NEBL: variants seen among roughly 807,000 people sequenced by gnomAD.
The protein encoded by NEBL is LIM and SH3 protein 2.
NEBL carries 122 observed loss-of-function variants against 140.2 expected under a neutral mutation model. That is an observed-to-expected ratio of 0.87 (90% CI 0.75 to 1.01). The LOEUF (loss-of-function observed/expected upper bound fraction) is 1.01. NEBL is among the 50% of genes least tolerant of loss of function. The pLI is 0.00. For missense variants in NEBL, 1,365 were observed against 1,231.3 expected, an observed-to-expected ratio of 1.11 and a Z score of -1.62; for synonymous variants, 436 against 398.9, an observed-to-expected ratio of 1.09 and a Z score of -1.11.
upstream of NEBL, among the ~76,000 whole-genome samples, chr10:20,901,641 C>A (rs1398190068): frequency 6.6e-6 from 1 of 152,152 alleles, no homozygotes; most frequent in Admixed American, 6.5e-5. Context: ...TTCAACATTT[C>A]TTATTATAAA....
At chr10:20,901,839 C>T (rs577941371), upstream of NEBL, among the ~76,000 whole-genome samples, 1 of 152,262 alleles carries the variant, frequency 6.6e-6, no homozygotes, top group South Asian at 2.1e-4. Context: ...TACTCAGTAA[C>T]TGGTATCTTC....
chr10:21,226,384 A>G (rs1842149693), intron 3 of NEBL, among the ~76,000 whole-genome samples: 1 of 152,106 alleles, frequency 6.6e-6, no homozygotes, highest in Non-Finnish European at 1.5e-5. Flanking sequence ...CACCCCAGCT[A>G]GCATCTCACT....
intron 1 of NEBL, among the ~76,000 whole-genome samples, chr10:21,262,324 G>A (rs1422792975): frequency 5.9e-5 from 9 of 152,150 alleles, no homozygotes; most frequent in Admixed American, 5.9e-4. Flanking sequence ...GATTGAACAA[G>A]TGCCTCTGCA....
intron 24 of NEBL, 110 bp downstream of exon 24, chr10:20,812,659 A>T: frequency 7.3e-7 from 1 of 1,369,082 alleles, no homozygotes; most frequent in Middle Eastern, 2.4e-4. Flanking sequence ...ATTGGGTACC[A>T]CAACCAACAT....
intron 2 of NEBL, among the ~76,000 whole-genome samples, chr10:21,074,583 T>C (rs918340756): frequency 3.3e-5 from 5 of 149,792 alleles, no homozygotes; most frequent in African/African-American, 9.9e-5. Context: ...GTTCAAGCGA[T>C]TCTCCTGCCT....
rs934516877 is a variant in NEBL at position 20,781,502 on chromosome 10, T to A, written c.*4245A>T. 1 of 152,194 alleles carries A rather than the reference T, an allele frequency of 6.6e-6. No individual in the cohort carries two copies. Among genetic ancestry groups the A allele is most frequent in the Non-Finnish European group, 1.5e-5 (1 of 68,032 alleles). The allele number at this position is 152,194 out of a possible 1,614,324, so 9.4% of individuals were successfully genotyped here. A position where few individuals can be genotyped will look rare whatever the true frequency, so the allele number is the denominator to read the frequency against. ...AGAATGGGACTGTGATGCAGTTTTC[T>A]CTTTTCCTTTAAAGTACATCATTCT... On this transcript the variant is annotated 3_prime_UTR_variant, in exon 28 of 28. Transcript: ENST00000377122.
In NEBL at chr10:20,888,214, GAAA is replaced by G. The variant is rs57918610; in HGVS notation, c.259-10_259-8del. On this transcript the variant is annotated splice_polypyrimidine_tract_variant and splice_region_variant and intron_variant, in intron 3 of 27. Transcript: ENST00000377122. ...TGGTGCCTTTGTATTTTGCCTGGGG[GAAA>G]AAAAAACAGGAAAAAAATAAATAAA... The G allele has an allele frequency of 2.8e-6, 4 of 1,404,518 alleles. No individual in the cohort carries two copies. The highest frequency in any genetic ancestry group is 3.9e-6 in the Non-Finnish European group (4 of 1,022,454). The allele number at this position is 1,404,518 out of a possible 1,614,324, so 87.0% of individuals were successfully genotyped here.
chr10:20,823,390 T>C, intron 18 of NEBL, 90 bp from the exon 19 acceptor site: 1 of 925,624 alleles, frequency 1.1e-6, no homozygotes, highest in Admixed American at 2.5e-5. Context: ...ATTGCATAAT[T>C]GAATTTTATT....
intron 2 of NEBL, among the ~76,000 whole-genome samples, chr10:21,092,175 A>C (rs1486538397): frequency 6.6e-6 from 1 of 152,226 alleles, no homozygotes; most frequent in Non-Finnish European, 1.5e-5. Flanking sequence ...ATCACTACTC[A>C]TATGGTCTTT....
chr10:21,275,844 G>T (rs1411812080), intron 1 of NEBL, among the ~76,000 whole-genome samples: 1 of 138,200 alleles, frequency 7.2e-6, no homozygotes, highest in Admixed American at 7.6e-5. Context: ...TTTTAGTAGA[G>T]ACGGGGTTTC....
intron 2 of NEBL, among the ~76,000 whole-genome samples, chr10:21,042,677 C>T (rs77251977): frequency 3.5e-4 from 53 of 152,310 alleles, no homozygotes; most frequent in Non-Finnish European, 6.0e-4. Flanking sequence ...TTTTTCACCA[C>T]AGAAAATCGC....
intron 15 of NEBL, 65 bp downstream of exon 15, chr10:20,831,408 T>C: frequency 6.6e-7 from 1 of 1,507,990 alleles, no homozygotes; most frequent in Non-Finnish European, 9.2e-7. Context: ...GAAAGAAAAC[T>C]TATGCTCTTT....
At chr10:21,206,436 T>C (rs1391665034) in intron 3 of NEBL, among the ~76,000 whole-genome samples, 2 of 152,184 alleles carry the variant, frequency 1.3e-5, no homozygotes, top group African/African-American at 4.8e-5. Context: ...GGCCAAAATA[T>C]TTTTATCTCA....
intron 1 of NEBL, among the ~76,000 whole-genome samples, chr10:21,262,217 G>T (rs1339340061): frequency 2.0e-5 from 3 of 152,180 alleles, no homozygotes; most frequent in Admixed American, 6.6e-5. Context: ...TGAACCCCAA[G>T]AATGAAGGAC....
chr10:21,285,454 C>A (rs1429348609), intron 1 of NEBL, among the ~76,000 whole-genome samples: 2 of 152,220 alleles, frequency 1.3e-5, no homozygotes, highest in South Asian at 2.1e-4. Context: ...CATCTTCCTG[C>A]CTTTGCTTCA....
intron 4 of NEBL, among the ~76,000 whole-genome samples, chr10:20,954,566 T>G (rs933745871): frequency 2.6e-5 from 4 of 152,158 alleles, no homozygotes; most frequent in Non-Finnish European, 4.4e-5. Context: ...ACAATTTGAA[T>G]GAGTAAGACA....
chr10:20,954,298 A>G (rs922059199), intron 4 of NEBL, among the ~76,000 whole-genome samples: 6 of 152,224 alleles, frequency 3.9e-5, no homozygotes, highest in Admixed American at 1.3e-4. Flanking sequence ...AAAGTAAAAA[A>G]TAAAAATATT....
chr10:21,021,739 G>A (rs1299816036), intron 2 of NEBL, among the ~76,000 whole-genome samples: 2 of 152,186 alleles, frequency 1.3e-5, no homozygotes, highest in Non-Finnish European at 2.9e-5. Flanking sequence ...CCTATTGGCA[G>A]GCCTCTGCCT....
intron 2 of NEBL, among the ~76,000 whole-genome samples, chr10:21,101,317 G>C (rs372290689): frequency 6.6e-6 from 1 of 152,214 alleles, no homozygotes; most frequent in East Asian, 1.9e-4. Context: ...GTTCTTCCAA[G>C]GTAAGACTTC....
Sources: gnomAD v4.1 joint callset for allele counts (sites outside exome capture counted in the v4.1 genomes callset) on GRCh38, gnomAD v4.1.1 for gene constraint, MANE v1.5 for transcripts, NCBI Gene and HGNC (gene_info 2026-07-23, HGNC 2026-07-21) for gene names.